Variants in STXBP5L observed in about 807,000 individuals in gnomAD.
STXBP5L encodes the protein syntaxin-binding protein 5-like.
STXBP5L carries 65 observed loss-of-function variants against 144.5 expected under a neutral mutation model. The observed-to-expected ratio is 0.45, with a 90% CI of 0.37 to 0.55. The LOEUF (loss-of-function observed/expected upper bound fraction) is 0.55, where lower values mean the gene tolerates loss of function less well. Among genes scored for constraint, STXBP5L ranks in the 20% least tolerant of loss-of-function variants. The pLI is 0.00. For missense variants in STXBP5L, 1,298 were observed against 1,405.5 expected (o/e 0.92, Z 1.22); for synonymous variants, 505 against 469.6 (o/e 1.08, Z -0.97).
intron 11 of STXBP5L, among the ~76,000 whole-genome samples, chr3:121,226,420 G>A (rs2108298468): frequency 6.6e-6 from 1 of 152,276 alleles, no homozygotes; most frequent in East Asian, 1.9e-4. Context: ...ACAGTGAGGG[G>A]GGCCCCGTTA....
rs990740093 is a variant in STXBP5L at position 121,382,702 on chromosome 3, A to G, written c.2587+1170A>G. 5.3e-5 allele frequency among the ~76,000 whole-genome samples: 8 copies of G among 152,094 alleles called. No homozygotes were observed. The South Asian group carries it at 1.7e-3, about 31-fold the overall frequency. ...ACAATTTCGTAATTAGAAATATTCTAACAATTGTGGTTTTCTGTATCACAA... is the reference window on the plus strand; with the variant it reads ...ACAATTTCGTAATTAGAAATATTCTGACAATTGTGGTTTTCTGTATCACAA... On this transcript the variant is annotated intron_variant, in intron 22 of 26. Coordinates refer to ENST00000471454, the MANE Select transcript of STXBP5L (RefSeq NM_001308330.2).
chr3:121,407,391 C>T lies in STXBP5L; in HGVS notation c.2736C>T (p.Asn912=). 1 of 1,613,086 alleles carries T rather than the reference C, an allele frequency of 6.2e-7. No individual in the cohort carries two copies. Among genetic ancestry groups the T allele is most frequent in the Non-Finnish European group, 8.5e-7 (1 of 1,179,376 alleles). Reference sequence around the variant, plus strand: ...CTTGGAGAAGGAAAGTGGTAATGAACTCATCTTCTGCATCCCAAGAAATAG... The same window carrying T: ...CTTGGAGAAGGAAAGTGGTAATGAATTCATCTTCTGCATCCCAAGAAATAG... The part of the protein sequence containing the change: ...EKSWRRKVVM[N]SSSASQEIGD... The change falls in exon 23 of 27, where the codon AAC becomes AAT. Residue 912 remains asparagine (N), a synonymous_variant. Coordinates refer to ENST00000471454, the MANE Select transcript of STXBP5L (RefSeq NM_001308330.2).
At chr3:121,326,272 A>G (rs946607733) in intron 20 of STXBP5L, among the ~76,000 whole-genome samples, 43 of 152,024 alleles carry the variant, frequency 2.8e-4, no homozygotes, top group African/African-American at 9.7e-4. Flanking sequence ...TTGGGAAAAA[A>G]GGGGAAAATT....
At chr3:121,418,178 C>T (rs1215805659) in intron 25 of STXBP5L, among the ~76,000 whole-genome samples, 159 bp from the exon 26 acceptor site, 8 of 152,216 alleles carry the variant, frequency 5.3e-5, no homozygotes, top group Non-Finnish European at 1.2e-4. Flanking sequence ...TTCTTAAGTG[C>T]TAACATCTCC....
At chr3:121,299,880 C>T (rs2051816939) in intron 19 of STXBP5L, among the ~76,000 whole-genome samples, 1 of 149,832 alleles carries the variant, frequency 6.7e-6, no homozygotes, top group Non-Finnish European at 1.5e-5. Flanking sequence ...ACTTGCAAGG[C>T]TGAGGTTGGA....
chr3:121,027,811 A>G (rs1480896468), intron 3 of STXBP5L, among the ~76,000 whole-genome samples: 1 of 152,106 alleles, frequency 6.6e-6, no homozygotes, highest in Non-Finnish European at 1.5e-5. Flanking sequence ...TTCAGGGATC[A>G]GGACATGGAC....
chr3:121,360,979 G>A (rs2045696259), intron 20 of STXBP5L, among the ~76,000 whole-genome samples: 1 of 152,058 alleles, frequency 6.6e-6, no homozygotes, highest in African/African-American at 2.4e-5. Context: ...GATGGATCTG[G>A]TATTGATGAA....
intron 20 of STXBP5L, among the ~76,000 whole-genome samples, chr3:121,337,876 A>G (rs974245087): frequency 6.6e-6 from 1 of 152,168 alleles, no homozygotes; most frequent in Non-Finnish European, 1.5e-5. Context: ...ACCACAGTGG[A>G]ATAAAACCAA....
Position 121,257,214 on chromosome 3 carries a change from A to G in STXBP5L, c.1713A>G (p.Pro571=), listed in dbSNP as rs1230647222. 2 of 1,613,742 alleles carry G rather than the reference A, an allele frequency of 1.2e-6. No individual in the cohort carries two copies. The change falls in exon 17 of 27, where the codon CCA becomes CCG. Residue 571 remains proline, a synonymous_variant. Transcript: ENST00000471454. ...YDVEDIITPE[P]ETSPPFPDLS... Reference sequence around the variant, plus strand: ...TTGAAGATATTATTACCCCTGAACCAGAAACAAGTCCTCCGTTTCCAGATC... The same window carrying G: ...TTGAAGATATTATTACCCCTGAACCGGAAACAAGTCCTCCGTTTCCAGATC...
chr3:121,271,537 A>G (rs1399769617), intron 18 of STXBP5L, among the ~76,000 whole-genome samples: 4 of 152,184 alleles, frequency 2.6e-5, no homozygotes, highest in African/African-American at 9.7e-5. Flanking sequence ...TCTAGCCCCT[A>G]TCAGTATACA....
At chr3:121,180,503 AG>A (rs2108102265) in intron 9 of STXBP5L, among the ~76,000 whole-genome samples, 1 of 152,342 alleles carries the variant, frequency 6.6e-6, no homozygotes, top group South Asian at 2.1e-4. Flanking sequence ...TGAAGCTCAT[AG>A]GGCCTATAAA....
At chr3:121,186,722 T>G (rs1307812962) in intron 9 of STXBP5L, among the ~76,000 whole-genome samples, 1 of 151,854 alleles carries the variant, frequency 6.6e-6, no homozygotes, top group East Asian at 1.9e-4. Flanking sequence ...ATTTTTGCAT[T>G]GACAAACAAC....
At chr3:121,393,020 A>G (rs1353136280) in intron 22 of STXBP5L, among the ~76,000 whole-genome samples, 2 of 151,982 alleles carry the variant, frequency 1.3e-5, no homozygotes, top group Admixed American at 6.6e-5. Flanking sequence ...TGCTTTCCAT[A>G]GAAGTTGTAC....
intron 2 of STXBP5L, among the ~76,000 whole-genome samples, chr3:120,910,064 G>A (rs917969762): frequency 9.2e-5 from 14 of 152,150 alleles, no homozygotes; most frequent in African/African-American, 3.1e-4. Context: ...AACTGAAGAA[G>A]CAAATAGTCG....
intron 2 of STXBP5L, among the ~76,000 whole-genome samples, chr3:120,942,803 AAT>A (rs1334386436): frequency 6.6e-6 from 1 of 151,518 alleles, no homozygotes; most frequent in East Asian, 1.9e-4. Flanking sequence ...GGGAATAGCA[AAT>A]ATATATGTTT....
intron 19 of STXBP5L, among the ~76,000 whole-genome samples, chr3:121,287,048 T>A (rs7634186): frequency 0.099 from 15,078 of 152,108 alleles, 1,162 homozygotes; most frequent in Admixed American, 0.2. Context: ...TAGAGCAAAG[T>A]GCTGATCAAC....
At chr3:121,092,485 A>T (rs2042864683) in intron 5 of STXBP5L, among the ~76,000 whole-genome samples, 3 of 152,214 alleles carry the variant, frequency 2.0e-5, no homozygotes, top group Non-Finnish European at 4.4e-5. Flanking sequence ...GAGGTCCTTC[A>T]CGTCCCTTGT....
intron 22 of STXBP5L, among the ~76,000 whole-genome samples, chr3:121,396,207 A>T (rs1039538097): frequency 2.0e-5 from 3 of 152,216 alleles, no homozygotes; most frequent in Admixed American, 2.0e-4. Flanking sequence ...ATTCAGTTGT[A>T]TCTGCAGTGT....
chr3:120,930,958 T>C (rs34387523), intron 2 of STXBP5L, among the ~76,000 whole-genome samples: 18,253 of 152,236 alleles, frequency 0.12, 1,155 homozygotes, highest in Non-Finnish European at 0.14. Context: ...GGCAATCACA[T>C]ACCAATTTCT....
Sources: gnomAD v4.1 joint callset for allele counts (sites outside exome capture counted in the v4.1 genomes callset) on GRCh38, gnomAD v4.1.1 for gene constraint, MANE v1.5 for transcripts, NCBI Gene and HGNC (gene_info 2026-07-23, HGNC 2026-07-21) for gene names.